Variants in PPP1R37 observed in about 807,000 individuals in gnomAD.
The protein encoded by PPP1R37 is protein phosphatase 1 regulatory subunit 37.
In PPP1R37, 21 loss-of-function variants were observed where a neutral mutation model predicts 61.0. That is an observed-to-expected ratio of 0.34 (90% CI 0.24 to 0.50). The LOEUF (loss-of-function observed/expected upper bound fraction) is 0.50. Ranked by LOEUF, PPP1R37 falls within the 20% of genes least tolerant of loss-of-function variation. The probability of loss-of-function intolerance (pLI) is 0.98; values close to 1 mark genes in which losing one functional copy is unlikely to be tolerated. For synonymous variants in PPP1R37, 443 were observed against 433.5 expected (o/e 1.02, Z -0.27); for missense variants, 910 against 952.7 (o/e 0.96, Z 0.59).
chr19:45,138,356 C>T (rs1968564690), intron 1 of PPP1R37, among the ~76,000 whole-genome samples, 158 bp from the exon 2 acceptor site: 2 of 151,802 alleles, frequency 1.3e-5, no homozygotes, highest in Admixed American at 6.6e-5. Flanking sequence ...CAGTGGCCAG[C>T]GGGGGGCCTG....
intron 1 of PPP1R37, chr19:45,108,716 A>G (rs1968164089): frequency 6.7e-6 from 1 of 149,154 alleles, no homozygotes; most frequent in Non-Finnish European, 1.5e-5. Flanking sequence ...ATCTCAGGTC[A>G]TCACAACTTC....
rs763650062 is a variant in PPP1R37 at position 45,145,997 on chromosome 19, T to G, written c.1941T>G (p.Pro647=). 9.8e-6 allele frequency: 15 copies of G among 1,533,696 alleles called. 1 individual carries two copies. In the South Asian group the frequency reaches 1.8e-4, roughly 18 times the overall value. The part of the protein sequence containing the change: ...LKPEFALALP[P]EPPPGPEVKG... The stretch of plus-strand genomic sequence containing the variant: ...CCGAGTTCGCCCTGGCACTGCCCCC[T>G]GAGCCGCCCCCGGGGCCTGAGGTCA... Residue 647 remains proline, a synonymous_variant, in exon 11 of 13, where the codon CCT becomes CCG. Coordinates refer to ENST00000221462, the MANE Select transcript of PPP1R37 (RefSeq NM_019121.2).
In PPP1R37 at chr19:45,133,321, T is replaced by C. The variant is rs545719402; in HGVS notation, c.203-5193T>C. On this transcript the variant is annotated intron_variant, in intron 1 of 12. Coordinates refer to ENST00000221462, the MANE Select transcript of PPP1R37 (RefSeq NM_019121.2). ...CTTGTCTCGAACTCCTGGCCTCAGA[T>C]GATCTGCCCTCCTCAGCCTCCCAAA... is the stretch of plus-strand genomic sequence containing the variant. Among the ~76,000 whole-genome samples, 102 of 152,160 alleles carry C rather than the reference T, an allele frequency of 6.7e-4. 1 individual carries two copies. The highest frequency in any genetic ancestry group is 2.2e-3 in the African/African-American group (93 of 41,506).
chr19:45,096,418 C>G (rs2122703699), intron 1 of PPP1R37, among the ~76,000 whole-genome samples: 1 of 152,226 alleles, frequency 6.6e-6, no homozygotes, highest in African/African-American at 2.4e-5. Context: ...CTCCAAGCCT[C>G]TGTTTCTTTC....
At chr19:45,142,242 A>T (rs1166467022) in intron 6 of PPP1R37, 31 bp downstream of exon 6, 2 of 1,533,342 alleles carry the variant, frequency 1.3e-6, no homozygotes, top group Admixed American at 3.9e-5. Flanking sequence ...GGTGAGCAGG[A>T]TGTGCAGCCT....
chr19:45,127,958 G>C (rs1968428285), intron 1 of PPP1R37, among the ~76,000 whole-genome samples: 1 of 139,480 alleles, frequency 7.2e-6, no homozygotes, highest in Non-Finnish European at 1.5e-5. Context: ...CTGGGCAACA[G>C]AGCGAGACTC....
intron 1 of PPP1R37, among the ~76,000 whole-genome samples, chr19:45,094,583 C>T (rs1967967760): frequency 6.6e-6 from 1 of 152,018 alleles, no homozygotes; most frequent in Admixed American, 6.6e-5. Context: ...AGAAATTGGC[C>T]GGGCATAGTG....
chr19:45,137,727 G>A (rs185116843), intron 1 of PPP1R37, among the ~76,000 whole-genome samples: 3 of 152,038 alleles, frequency 2.0e-5, no homozygotes, highest in East Asian at 1.9e-4. Flanking sequence ...AGCCCGGCTC[G>A]CATATATACC....
At position 45,145,154 on chromosome 19, in the gene PPP1R37, G is replaced by C. The variant is rs1354943472; in HGVS notation, c.1190G>C (p.Arg397Pro). The change falls in exon 10 of 13, where the codon CGG becomes CCG. Residue 397 changes from arginine (R) to proline (P), a missense_variant. Arg to Pro is a moderately radical substitution (Grantham distance 103). Around this residue, in one of 3 missense-constraint regions of PPP1R37, gnomAD observed 549 missense variants for 505.1 expected, o/e 1.09. Transcript: ENST00000221462. ...ESPRLLRLDL[R>P]ENEIKTGGLM... is the part of the protein sequence containing the mutation. The stretch of plus-strand genomic sequence containing the variant: ...CCCCGCCTCCTGAGACTGGACCTTC[G>C]GGAGAACGAGATCAAGACAGGCGGG... The C allele has an allele frequency of 2.6e-6, 4 of 1,535,082 alleles. No homozygotes were observed. The highest frequency in any genetic ancestry group is 3.5e-6 in the Non-Finnish European group (4 of 1,146,428).
At chr19:45,098,422 T>G (rs1173501118) in intron 1 of PPP1R37, among the ~76,000 whole-genome samples, 1 of 152,184 alleles carries the variant, frequency 6.6e-6, no homozygotes, top group African/African-American at 2.4e-5. Flanking sequence ...TGAGAGCACA[T>G]GACACCAGCC....
At chr19:45,117,982 T>C (rs201396174) in intron 1 of PPP1R37, among the ~76,000 whole-genome samples, 8 of 152,204 alleles carry the variant, frequency 5.3e-5, no homozygotes, top group African/African-American at 1.9e-4. Flanking sequence ...TGAGAGGCTG[T>C]TGGGGGTGGA....
intron 1 of PPP1R37, among the ~76,000 whole-genome samples, chr19:45,114,578 A>G (rs1403547318): frequency 6.6e-6 from 1 of 152,220 alleles, no homozygotes; most frequent in Admixed American, 6.5e-5. Flanking sequence ...AGACACCCCA[A>G]ATAGGCACCC....
In PPP1R37 at chr19:45,145,226, G is replaced by A. The variant is rs1331082865; in HGVS notation, c.1262G>A (p.Arg421His). 4 of 1,534,672 alleles carry A rather than the reference G, an allele frequency of 2.6e-6. No individual in the cohort carries two copies. The African/African-American group carries it at 4.1e-5, about 16-fold the overall frequency. ...LALKVNHSLL[R>H]LDLDREPKKE... ...CTCAAGGTGAACCACTCACTGCTGC[G>A]CCTGGACCTCGACCGTGAACCCAAG... The change falls in exon 10 of 13, where the codon CGC becomes CAC. Residue 421 changes from arginine (R) to histidine (H), a missense_variant. Around this residue, in one of 3 missense-constraint regions of PPP1R37, gnomAD observed 549 missense variants for 505.1 expected, o/e 1.09. Coordinates refer to ENST00000221462, the MANE Select transcript of PPP1R37 (RefSeq NM_019121.2).
intron 1 of PPP1R37, among the ~76,000 whole-genome samples, chr19:45,113,867 G>A (rs1968231891): frequency 6.6e-6 from 1 of 152,224 alleles, no homozygotes; most frequent in South Asian, 2.1e-4. Context: ...AGACAGGAGT[G>A]GGTGTGGTCA....
chr19:45,100,900 T>C (rs1012058483), intron 1 of PPP1R37, among the ~76,000 whole-genome samples: 4 of 152,222 alleles, frequency 2.6e-5, no homozygotes, highest in Admixed American at 2.0e-4. Flanking sequence ...CCTTGGCCTC[T>C]GGGACGTGTT....
Position 45,120,552 on chromosome 19 carries a change from A to G in PPP1R37, c.203-17962A>G, listed in dbSNP as rs553661638. Among the ~76,000 whole-genome samples, 42 of 152,236 alleles carry G rather than the reference A, an allele frequency of 2.8e-4. 1 individual carries two copies. In the South Asian group the frequency reaches 8.3e-3, roughly 30 times the overall value. On this transcript the variant is annotated intron_variant, in intron 1 of 12. Transcript: ENST00000221462. ...AAGCTGCTGCAGTGACTGTCCTTACATGTATGATTTTTCATCTTTGCAAGT... is the reference window on the plus strand; with the variant it reads ...AAGCTGCTGCAGTGACTGTCCTTACGTGTATGATTTTTCATCTTTGCAAGT...
At chr19:45,137,098 A>G (rs1462560754) in intron 1 of PPP1R37, 1 of 143,102 alleles carries the variant, frequency 7.0e-6, no homozygotes, top group African/African-American at 2.6e-5. Context: ...TTCCCTGCCC[A>G]TTGTGGCATC....
chr19:45,131,910 T>C (rs1306067908), intron 1 of PPP1R37, among the ~76,000 whole-genome samples: 1 of 152,212 alleles, frequency 6.6e-6, no homozygotes, highest in East Asian at 1.9e-4. Flanking sequence ...CCTTGTTGCC[T>C]GCGACCCCAC....
At chr19:45,131,107 C>T (rs904212492) in intron 1 of PPP1R37, among the ~76,000 whole-genome samples, 22 of 152,230 alleles carry the variant, frequency 1.4e-4, no homozygotes, top group African/African-American at 5.1e-4. Context: ...GCCAGACAGA[C>T]ATCTCTCTGC....
Sources: gnomAD v4.1 joint callset for allele counts (sites outside exome capture counted in the v4.1 genomes callset) on GRCh38, gnomAD v4.1.1 for gene constraint, gnomAD v4.1.1 regional missense constraint, MANE v1.5 for transcripts, NCBI Gene and HGNC (gene_info 2026-07-23, HGNC 2026-07-21) for gene names.